The following MB21D2 variants were observed in gnomAD, a reference collection of about 807,000 sequenced individuals.
MB21D2 encodes Mab-21 domain containing 2.
In MB21D2, 9 loss-of-function variants were observed where a neutral mutation model predicts 33.3. The observed-to-expected ratio is 0.27, with a 90% CI of 0.16 to 0.47. The LOEUF is 0.47. MB21D2 is among the 20% of genes least tolerant of loss of function. The probability of loss-of-function intolerance (pLI) is 0.99; values close to 1 mark genes in which losing one functional copy is unlikely to be tolerated. For missense variants in MB21D2, 540 were observed against 624.6 expected, an observed-to-expected ratio of 0.86 and a Z score of 1.44; for synonymous variants, 241 against 236.3, an observed-to-expected ratio of 1.02 and a Z score of -0.18.
At chr3:192,802,631 C>T (rs1205128706) in intron 1 of MB21D2, among the ~76,000 whole-genome samples, 1 of 152,180 alleles carries the variant, frequency 6.6e-6, no homozygotes, top group South Asian at 2.1e-4. Flanking sequence ...TAAAGAAATA[C>T]TACCATCCCA....
At chr3:192,877,595 A>G (rs1174018768) in intron 1 of MB21D2, among the ~76,000 whole-genome samples, 4 of 152,106 alleles carry the variant, frequency 2.6e-5, no homozygotes, top group Non-Finnish European at 2.9e-5. Flanking sequence ...CTCCCACAAG[A>G]CCTCATCTAG....
Position 192,799,439 on chromosome 3 carries a change from T to G in MB21D2, c.423A>C (p.Ser141=). The G allele has an allele frequency of 1.9e-6, 3 of 1,614,212 alleles. No individual in the cohort carries two copies. The highest frequency in any genetic ancestry group is 2.5e-6 in the Non-Finnish European group (3 of 1,180,038). ...NQPVTLDMRH[S]ALCHSWLSLR... is the part of the protein sequence containing the mutation. ...GGCTCAGCCAAGAGTGGCACAAGGC[T>G]GAGTGGCGCATGTCGAGTGTCACAG... The change falls in exon 2 of 2, where the codon TCA becomes TCC. Residue 141 remains serine, a synonymous_variant. Coordinates refer to ENST00000392452, the MANE Select transcript of MB21D2 (RefSeq NM_178496.4). The surrounding 1 kb of genome is among the most constrained non-coding windows in gnomAD (Gnocchi z 4.1).
intron 1 of MB21D2, among the ~76,000 whole-genome samples, chr3:192,894,661 G>A (rs1049624102): frequency 2.6e-5 from 4 of 151,986 alleles, no homozygotes; most frequent in Non-Finnish European, 5.9e-5. Context: ...CTGAGAAAGC[G>A]ATTGGAGTTT....
intron 1 of MB21D2, among the ~76,000 whole-genome samples, chr3:192,828,811 G>A (rs994478937): frequency 6.7e-6 from 1 of 150,228 alleles, no homozygotes; most frequent in African/African-American, 2.4e-5. Context: ...ATCACACCCG[G>A]CTAATTTTTT....
intron 1 of MB21D2, among the ~76,000 whole-genome samples, chr3:192,866,334 A>G (rs1030618487): frequency 2.0e-5 from 3 of 152,188 alleles, no homozygotes; most frequent in Admixed American, 6.5e-5. Context: ...TCACTGGCAA[A>G]GTCTCTTTAA....
intron 1 of MB21D2, among the ~76,000 whole-genome samples, chr3:192,882,102 T>A (rs1713608829): frequency 6.6e-6 from 1 of 151,982 alleles, no homozygotes; most frequent in Non-Finnish European, 1.5e-5. Context: ...ATGCCTAACC[T>A]AAGACTTGGC....
intron 1 of MB21D2, among the ~76,000 whole-genome samples, chr3:192,812,024 T>A (rs2108612498): frequency 6.6e-6 from 1 of 152,210 alleles, no homozygotes; most frequent in Non-Finnish European, 1.5e-5. Flanking sequence ...CTTTCTTTTG[T>A]GTGTGTGCGT....
chr3:192,844,677 A>T (rs1327344455), intron 1 of MB21D2, among the ~76,000 whole-genome samples: 4 of 152,170 alleles, frequency 2.6e-5, no homozygotes, highest in African/African-American at 4.8e-5. Context: ...GAGCTCCCCA[A>T]TTCTGATGGG....
intron 1 of MB21D2, among the ~76,000 whole-genome samples, chr3:192,895,677 A>G (rs1227959734): frequency 6.6e-6 from 1 of 152,214 alleles, no homozygotes; most frequent in Non-Finnish European, 1.5e-5. Flanking sequence ...TAAGACATTT[A>G]GAAAATCACT....
chr3:192,867,198 G>A (rs377648929), intron 1 of MB21D2, among the ~76,000 whole-genome samples: 4 of 151,882 alleles, frequency 2.6e-5, no homozygotes, highest in African/African-American at 9.7e-5. Flanking sequence ...GTAATCTTCA[G>A]CCCCTTGTAC....
chr3:192,822,587 G>C (rs1333672606), intron 1 of MB21D2, among the ~76,000 whole-genome samples: 1 of 152,236 alleles, frequency 6.6e-6, no homozygotes, highest in African/African-American at 2.4e-5. Context: ...AACTTAGAAA[G>C]AGTCTGACCT....
chr3:192,869,531 C>CGG (rs1314272311), intron 1 of MB21D2, among the ~76,000 whole-genome samples: 1 of 152,170 alleles, frequency 6.6e-6, no homozygotes, highest in Non-Finnish European at 1.5e-5. Context: ...CACAACTATC[C>CGG]AGAGTCATGT....
At chr3:192,802,294 C>T (rs1711578235) in intron 1 of MB21D2, among the ~76,000 whole-genome samples, 1 of 152,156 alleles carries the variant, frequency 6.6e-6, no homozygotes, top group African/African-American at 2.4e-5. Flanking sequence ...GGAAGCTCAG[C>T]TTCTCCTACT....
Position 192,820,640 on chromosome 3 carries a change from G to A in MB21D2, c.212-20990C>T, listed in dbSNP as rs191972266. The stretch of plus-strand genomic sequence containing the variant: ...AGACTGTGTCAAATATTCCTCCGGC[G>A]TCCCGCCCCGGGCTCTCTCTGCAAA... On this transcript the variant is annotated intron_variant, in intron 1 of 1. Transcript: ENST00000392452. Among the ~76,000 whole-genome samples the A allele has an allele frequency of 3.9e-5, 6 of 152,342 alleles. No homozygotes were observed. In the East Asian group the frequency reaches 1.2e-3, roughly 29 times the overall value.
intron 1 of MB21D2, among the ~76,000 whole-genome samples, chr3:192,903,249 C>G (rs1473714694): frequency 2.0e-5 from 3 of 152,168 alleles, no homozygotes; most frequent in Non-Finnish European, 4.4e-5. Flanking sequence ...CATTAATTAC[C>G]CAACATTTAC....
At chr3:192,800,307 G>A (rs1029319102) in intron 1 of MB21D2, among the ~76,000 whole-genome samples, 2 of 151,896 alleles carry the variant, frequency 1.3e-5, no homozygotes, top group African/African-American at 4.8e-5. Context: ...TAAAATTCCT[G>A]GCCTCAAGCA....
chr3:192,878,959 G>C (rs898153212), intron 1 of MB21D2, among the ~76,000 whole-genome samples: 2 of 152,052 alleles, frequency 1.3e-5, no homozygotes, highest in African/African-American at 4.8e-5. Flanking sequence ...GGGACACTCT[G>C]TCTCTCAAAA....
rs377517761 is a variant in MB21D2, at chr3:192,829,728, G to C, written c.212-30078C>G. 8.4e-4 allele frequency among the ~76,000 whole-genome samples: 127 copies of C among 151,958 alleles called. 1 individual carries two copies. In the South Asian group the frequency reaches 0.016, roughly 19 times the overall value. On this transcript the variant is annotated intron_variant, in intron 1 of 1. Coordinates refer to ENST00000392452, the MANE Select transcript of MB21D2 (RefSeq NM_178496.4). ...ATGTTTATGTTTGTATGTATGTATGGTGTATCTATAAATATTGAGACAGGA... is the reference window on the plus strand; with the variant it reads ...ATGTTTATGTTTGTATGTATGTATGCTGTATCTATAAATATTGAGACAGGA...
In MB21D2 at chr3:192,914,705, T is replaced by C. The variant is rs1253554199; in HGVS notation, c.211+2925A>G. ...AATCTAGACAATTGCAGCTAACACC[T>C]GCCTCCAAAAAAAAATCAGAATCTC... On this transcript the variant is annotated intron_variant, in intron 1 of 1. Coordinates refer to ENST00000392452, the MANE Select transcript of MB21D2 (RefSeq NM_178496.4). Among the ~76,000 whole-genome samples the C allele has an allele frequency of 3.6e-4, 54 of 151,884 alleles. 1 individual carries two copies. The highest frequency in any genetic ancestry group is 2.9e-4 in the Non-Finnish European group (20 of 67,984).
Sources: gnomAD v4.1 joint callset for allele counts (sites outside exome capture counted in the v4.1 genomes callset) on GRCh38, gnomAD v4.1.1 for gene constraint, Gnocchi (gnomAD v3.1) non-coding constraint, MANE v1.5 for transcripts, NCBI Gene and HGNC (gene_info 2026-07-23, HGNC 2026-07-21) for gene names.